The following NR2F6 variants were observed in gnomAD, a reference collection of about 807,000 sequenced individuals.
The protein encoded by NR2F6 is nuclear receptor subfamily 2 group F member 6.
A neutral mutation model predicts 26.5 loss-of-function variants in NR2F6; 16 were observed. The ratio of observed to expected loss-of-function variants is 0.60; its 90% CI spans 0.41 to 0.92. NR2F6 has a LOEUF of 0.92. Among genes scored for constraint, NR2F6 ranks in the 40% least tolerant of loss-of-function variants. NR2F6 has a pLI of 0.00. For missense variants in NR2F6, 536 were observed against 631.7 expected (o/e 0.85, Z 1.62); for synonymous variants, 325 against 305.0 (o/e 1.07, Z -0.68).
At chr19:17,242,485 G>A (rs1005590809) in intron 1 of NR2F6, among the ~76,000 whole-genome samples, 3 of 152,134 alleles carry the variant, frequency 2.0e-5, no homozygotes, top group East Asian at 1.9e-4. Flanking sequence ...GGTTCACGGG[G>A]GACAGTGCCA....
At chr19:17,238,174 C>G (rs150485080) in intron 2 of NR2F6, among the ~76,000 whole-genome samples, 1 of 152,084 alleles carries the variant, frequency 6.6e-6, no homozygotes, top group Non-Finnish European at 1.5e-5. Flanking sequence ...AGAATCTATA[C>G]CTTAAAATAA....
In NR2F6 at chr19:17,232,154, C is replaced by G. The variant is rs768217417; in HGVS notation, c.*198G>C. On this transcript the variant is annotated 3_prime_UTR_variant, in exon 4 of 4. Coordinates refer to ENST00000291442, the MANE Select transcript of NR2F6 (RefSeq NM_005234.4). The stretch of plus-strand genomic sequence containing the variant: ...GTCCTGGGGAGGATGAGGCTGAGGC[C>G]TGGATGATCAGTCTCTTTTTGGTTT... The G allele has an allele frequency of 7.9e-5, 61 of 773,848 alleles. No homozygotes were observed. The Admixed American group carries it at 1.7e-3, about 22-fold the overall frequency. The allele number at this position is 773,848 out of a possible 1,614,324, so 47.9% of individuals were successfully genotyped here.
rs752874743 is a variant in NR2F6, at chr19:17,245,047, C to T, written c.174G>A (p.Val58=). Reference sequence around the variant, plus strand: ...GCTTGCCGCTCGACTTGTCCCCGCACACCACGCAGTCCACCTGCAGCCCCG... The same window carrying T: ...GCTTGCCGCTCGACTTGTCCCCGCATACCACGCAGTCCACCTGCAGCCCCG... ...ERPGLQVDCV[V]CGDKSSGKHY... Residue 58 remains valine (V), a synonymous_variant, in exon 1 of 4, where the codon GTG becomes GTA. Coordinates refer to ENST00000291442, the MANE Select transcript of NR2F6 (RefSeq NM_005234.4). The surrounding 1 kb of genome is among the most constrained non-coding windows in gnomAD (Gnocchi z 5.0). The T allele has an allele frequency of 1.9e-6, 3 of 1,603,202 alleles. No individual in the cohort carries two copies. The Admixed American group carries it at 5.1e-5, about 27-fold the overall frequency.
At chr19:17,234,877 T>G (rs2073426855) in intron 3 of NR2F6, among the ~76,000 whole-genome samples, 1 of 151,080 alleles carries the variant, frequency 6.6e-6, no homozygotes, top group Admixed American at 6.6e-5. Flanking sequence ...GAAATACAAA[T>G]AAAAAAATAA....
chr19:17,237,919 C>A (rs1024150581), intron 2 of NR2F6, among the ~76,000 whole-genome samples: 1 of 152,116 alleles, frequency 6.6e-6, no homozygotes, highest in Non-Finnish European at 1.5e-5. Flanking sequence ...GCAGGAAGAT[C>A]GCTTGAGCCC....
In NR2F6 at chr19:17,232,356, T is replaced by C; in HGVS notation, c.1211A>G (p.Gln404Arg). 1 of 1,613,800 alleles carries C rather than the reference T, an allele frequency of 6.2e-7. No homozygotes were observed. Among genetic ancestry groups the C allele is most frequent in the Non-Finnish European group, 8.5e-7 (1 of 1,180,020 alleles). Reference sequence around the variant, plus strand: ...GCACACGTGGCCCCGTCATGGTCACTGGCCCGAGCCGTAGGGCCAGTTGAA... The same window carrying C: ...GCACACGTGGCCCCGTCATGGTCACCGGCCCGAGCCGTAGGGCCAGTTGAA... ...STFNWPYGSGQ is the reference protein window; with the variant it reads ...STFNWPYGSGR Residue 404 changes from glutamine (Q) to arginine (R), a missense_variant, in exon 4 of 4, where the codon CAG becomes CGG. By Grantham distance (43) the Gln-to-Arg change is conservative. Coordinates refer to ENST00000291442, the MANE Select transcript of NR2F6 (RefSeq NM_005234.4).
chr19:17,237,406 T>TCTCC (rs766546072), intron 2 of NR2F6, among the ~76,000 whole-genome samples: 2 of 144,814 alleles, frequency 1.4e-5, no homozygotes, highest in African/African-American at 5.0e-5. Context: ...TCTCTCTCTC[T>TCTCC]CTCCCTCTCT....
intron 1 of NR2F6, 87 bp downstream of exon 1, chr19:17,244,856 G>A (rs1051773680): frequency 6.8e-6 from 10 of 1,475,490 alleles, no homozygotes; most frequent in African/African-American, 1.5e-5. Context: ...GAAGGTCAGC[G>A]CCAGGCCCAA....
At chr19:17,244,645 A>C in intron 1 of NR2F6, 4 of 350,326 alleles carry the variant, frequency 1.1e-5, no homozygotes, top group African/African-American at 2.2e-5. Flanking sequence ...CCCTACCCCC[A>C]CCCCAGCGCG....
chr19:17,243,807 C>T (rs1387118871), intron 1 of NR2F6, among the ~76,000 whole-genome samples: 2 of 152,186 alleles, frequency 1.3e-5, no homozygotes, highest in African/African-American at 4.8e-5. Flanking sequence ...CGGTCCCCAC[C>T]CTAGCCCCAC....
intron 1 of NR2F6, among the ~76,000 whole-genome samples, chr19:17,243,302 C>G (rs1254813332): frequency 1.3e-5 from 2 of 152,224 alleles, no homozygotes; most frequent in East Asian, 3.9e-4. Flanking sequence ...TTCTCAGGAG[C>G]TAGACTTGGA....
Position 17,235,973 on chromosome 19 carries a change from TCGCCACTGCCGC to T in NR2F6, c.454_465del (p.Ala152_Ala155del). The stretch of plus-strand genomic sequence containing the variant: ...TGCCCCGGGAAGAGGTCTCCGCCGC[TCGCCACTGCCGC>T]CAGCGCCGAGCCCGGGGGGCTGCCC... On this transcript the variant is annotated inframe_deletion, in exon 3 of 4. Coordinates refer to ENST00000291442, the MANE Select transcript of NR2F6 (RefSeq NM_005234.4). This position sits in a 1 kb window ranked among gnomAD's most constrained non-coding sequence, Gnocchi z 5.0. 1 of 1,469,958 alleles carries T rather than the reference TCGCCACTGCCGC, an allele frequency of 6.8e-7. No homozygotes were observed. The highest frequency in any genetic ancestry group is 9.0e-7 in the Non-Finnish European group (1 of 1,116,862). The allele number at this position is 1,469,958 out of a possible 1,614,324, so 91.1% of individuals were successfully genotyped here.
intron 3 of NR2F6, among the ~76,000 whole-genome samples, 156 bp from the exon 4 acceptor site, chr19:17,232,782 G>A (rs2073415357): frequency 6.6e-6 from 1 of 152,192 alleles, no homozygotes; most frequent in South Asian, 2.1e-4. Context: ...GGAGGCCAAG[G>A]CAGAAGCATC....
At chr19:17,243,057 C>T (rs868724456) in intron 1 of NR2F6, among the ~76,000 whole-genome samples, 1 of 152,198 alleles carries the variant, frequency 6.6e-6, no homozygotes, top group Non-Finnish European at 1.5e-5. Flanking sequence ...CACAGTCCCC[C>T]TCTTACAGCA....
intron 1 of NR2F6, 120 bp from the exon 2 acceptor site, chr19:17,240,885 A>T (rs2073465807): frequency 1.1e-6 from 1 of 937,830 alleles, no homozygotes; most frequent in Non-Finnish European, 1.6e-6. Context: ...TCTAGACTGG[A>T]GAGGTAGCCC....
chr19:17,240,700 T>C lies in NR2F6; in HGVS notation c.344A>G (p.Lys115Arg), dbSNP rs2073464617. 1 of 1,614,164 alleles carries C rather than the reference T, an allele frequency of 6.2e-7. No homozygotes were observed. The highest frequency in any genetic ancestry group is 8.5e-7 in the Non-Finnish European group (1 of 1,180,010). ...RNQCQYCRLK[K>R]CFRVGMRKEA... is the part of the protein sequence containing the mutation. Reference sequence around the variant, plus strand: ...CTTCCTCATGCCCACCCGGAAGCACTTCTTGAGACGGCAGTACTGGCACTG... The same window carrying C: ...CTTCCTCATGCCCACCCGGAAGCACCTCTTGAGACGGCAGTACTGGCACTG... The change falls in exon 2 of 4, where the codon AAG becomes AGG. Residue 115 changes from lysine (K) to arginine (R), a missense_variant. Lys to Arg is a conservative substitution (Grantham distance 26). Transcript: ENST00000291442.
intron 1 of NR2F6, 66 bp downstream of exon 1, chr19:17,244,877 C>G (rs1302777319): frequency 1.3e-6 from 2 of 1,520,510 alleles, no homozygotes; most frequent in African/African-American, 1.4e-5. Flanking sequence ...GGTGACCGAG[C>G]AGGTCAGAGG....
At position 17,232,333 on chromosome 19, in the gene NR2F6, A is replaced by G. The variant is rs371152504; in HGVS notation, c.*19T>C. On this transcript the variant is annotated 3_prime_UTR_variant, in exon 4 of 4. Coordinates refer to ENST00000291442, the MANE Select transcript of NR2F6 (RefSeq NM_005234.4). ...GTCTGTCTGCAGGCCTGGCCACAGC[A>G]CACGTGGCCCCGTCATGGTCACTGG... The G allele has an allele frequency of 3.7e-6, 6 of 1,613,564 alleles. No individual in the cohort carries two copies. The African/African-American group carries it at 8.0e-5, about 22-fold the overall frequency.
rs1194258631 is a variant in NR2F6 at position 17,235,557 on chromosome 19, G to A, written c.882C>T (p.Arg294=). 8.1e-6 allele frequency: 13 copies of A among 1,595,230 alleles called. No homozygotes were observed. The highest frequency in any genetic ancestry group is 1.1e-5 in the South Asian group (1 of 89,932). The change falls in exon 3 of 4, where the codon CGC becomes CGT. Residue 294 remains arginine, a synonymous_variant. Transcript: ENST00000291442. This position sits in a 1 kb window ranked among gnomAD's most constrained non-coding sequence, Gnocchi z 5.0. ...AFQEQVDKLG[R]LQVDSAEYGC... ...CATACTCGGCCGAGTCGACCTGCAG[G>A]CGGCCCAGCTTGTCCACCTGCTCCT...
Sources: gnomAD v4.1 joint callset for allele counts (sites outside exome capture counted in the v4.1 genomes callset) on GRCh38, gnomAD v4.1.1 for gene constraint, Gnocchi (gnomAD v3.1) non-coding constraint, MANE v1.5 for transcripts, NCBI Gene and HGNC (gene_info 2026-07-23, HGNC 2026-07-21) for gene names.